RPE65: variants seen among roughly 807,000 people sequenced by gnomAD.
RPE65 encodes the protein retinoid isomerohydrolase RPE65.
In RPE65, 58 loss-of-function variants were observed where a neutral mutation model predicts 68.5. That is an observed-to-expected ratio of 0.85 (90% CI 0.69 to 1.05). The LOEUF is 1.05. Among genes scored for constraint, RPE65 ranks in the 50% least tolerant of loss-of-function variants. The pLI, the probability that RPE65 is intolerant of heterozygous loss-of-function variation, is 0.00. For missense variants in RPE65, 643 were observed against 629.9 expected (o/e 1.02, Z -0.22); for synonymous variants, 220 against 222.2 (o/e 0.99, Z 0.09).
chr1:68,432,363 G>A (rs2100809182), intron 10 of RPE65, among the ~76,000 whole-genome samples: 1 of 152,148 alleles, frequency 6.6e-6, no homozygotes, highest in African/African-American at 2.4e-5. Context: ...ATAGAATAGA[G>A]GAAAAAAGAT....
In RPE65 at chr1:68,431,288, T is replaced by C; in HGVS notation, c.1332A>G (p.Pro444=). 6.2e-7 allele frequency: 1 copy of C among 1,613,838 alleles called. No homozygotes were observed. The highest frequency in any genetic ancestry group is 8.5e-7 in the Non-Finnish European group (1 of 1,179,810). The change falls in exon 12 of 14, where the codon CCA becomes CCG. Residue 444 remains proline (P), a synonymous_variant. Coordinates refer to ENST00000262340, the MANE Select transcript of RPE65 (RefSeq NM_000329.3). ...AYGLGLNHFV[P]DRLCKLNVKT... is the part of the protein sequence containing the mutation. ...AGTAAGAAGGATTAATTACCCTATC[T>C]GGAACAAAGTGATTCAAGCCAAGTC...
Position 68,438,200 on chromosome 1 carries a change from A to G in RPE65, c.1115T>C (p.Leu372Ser), listed in dbSNP as rs747033834. ...GAAGCAGGTTACCTTGTCAATATTC[A>G]AAGGAAGTACATATCTCCTAACTTC... ...QPEVRRYVLP[L>S]NIDKADTGKN... Residue 372 changes from leucine (L) to serine (S), a missense_variant, in exon 10 of 14, where the codon TTG becomes TCG. Transcript: ENST00000262340. 6.2e-7 allele frequency: 1 copy of G among 1,613,854 alleles called. No homozygotes were observed. Among genetic ancestry groups the G allele is most frequent in the African/African-American group, 1.3e-5 (1 of 74,930 alleles).
At chr1:68,447,677 G>A (rs1228847984) in intron 2 of RPE65, among the ~76,000 whole-genome samples, 2 of 152,062 alleles carry the variant, frequency 1.3e-5, no homozygotes, top group African/African-American at 2.4e-5. Context: ...GCGAAACCCC[G>A]TCTCTACTAA....
rs747393487 is a variant in RPE65, at chr1:68,449,895, TG to T, written c.10del (p.Gln4ArgfsTer27). ...AAAAAAGTCTCCCAGAGATACTTACTGGATAGACATTTTCTTCCAGTTCAGG... is the reference window on the plus strand; with the variant it reads ...AAAAAAGTCTCCCAGAGATACTTACTGATAGACATTTTCTTCCAGTTCAGG... MSI[Q>X]VEHPAGGYKK... On this transcript the variant is annotated frameshift_variant and splice_region_variant, in exon 1 of 14. Coordinates refer to ENST00000262340, the MANE Select transcript of RPE65 (RefSeq NM_000329.3). LOFTEE classifies it high-confidence loss of function. The T allele has an allele frequency of 7.4e-6, 12 of 1,614,162 alleles. No homozygotes were observed. The African/African-American group carries it at 1.1e-4, about 14-fold the overall frequency.
chr1:68,438,007 A>G (rs1437907994), intron 10 of RPE65, among the ~76,000 whole-genome samples, 180 bp downstream of exon 10: 2 of 152,218 alleles, frequency 1.3e-5, no homozygotes, highest in Non-Finnish European at 2.9e-5. Context: ...GCTAAGTCAC[A>G]GTACTCTTCT....
intron 3 of RPE65, 118 bp from the exon 4 acceptor site, chr1:68,445,001 A>T: frequency 2.3e-6 from 2 of 859,476 alleles, no homozygotes; most frequent in Non-Finnish European, 3.9e-6. Flanking sequence ...AATGCACAAC[A>T]TGAAGAATAA....
chr1:68,437,758 T>C (rs553196782), intron 10 of RPE65, among the ~76,000 whole-genome samples: 1 of 152,280 alleles, frequency 6.6e-6, no homozygotes, highest in Admixed American at 6.5e-5. Context: ...TTTCAGAAGA[T>C]TTATAGAAAA....
intron 5 of RPE65, among the ~76,000 whole-genome samples, chr1:68,441,869 A>G (rs190063582): frequency 3.9e-5 from 6 of 152,302 alleles, no homozygotes; most frequent in Admixed American, 3.3e-4. Flanking sequence ...TAGGCAAGAT[A>G]TTCATTTATT....
chr1:68,438,765 A>G (rs974380024), intron 9 of RPE65, among the ~76,000 whole-genome samples, 177 bp downstream of exon 9: 3 of 152,184 alleles, frequency 2.0e-5, no homozygotes, highest in East Asian at 1.9e-4. Flanking sequence ...ATCATTAATC[A>G]TAGTTTTGAT....
chr1:68,437,256 C>A (rs75711879), intron 10 of RPE65, among the ~76,000 whole-genome samples: 1 of 152,246 alleles, frequency 6.6e-6, no homozygotes, highest in South Asian at 2.1e-4. Flanking sequence ...CTCCCCTACA[C>A]CCCTAAATAA....
intron 6 of RPE65, 90 bp downstream of exon 6, chr1:68,440,763 T>A (rs1442440608): frequency 3.2e-5 from 48 of 1,519,656 alleles, no homozygotes; most frequent in Non-Finnish European, 4.3e-5. Context: ...CACAAAATGC[T>A]ATTCTGACAT....
chr1:68,442,166 A>G lies in RPE65; in HGVS notation c.496-1166T>C, dbSNP rs368324436. On this transcript the variant is annotated intron_variant, in intron 5 of 13. Transcript: ENST00000262340. ...GCATTAGACCAATAAGCCGGTGTAA[A>G]GCACTGTGAGTGTGCAATGGCATCG... Among the ~76,000 whole-genome samples, 5 of 152,214 alleles carry G rather than the reference A, an allele frequency of 3.3e-5. No individual in the cohort carries two copies. In the East Asian group the frequency reaches 7.7e-4, roughly 23 times the overall value.
At chr1:68,446,923 G>T in intron 2 of RPE65, 63 bp from the exon 3 acceptor site, 2 of 1,606,556 alleles carry the variant, frequency 1.2e-6, no homozygotes. Context: ...CTTGTCCTTG[G>T]TAAGGCAGAG....
chr1:68,440,932 G>A lies in RPE65; in HGVS notation c.564C>T (p.Thr188=), dbSNP rs764476046. The change falls in exon 6 of 14, where the codon ACC becomes ACT. Residue 188 remains threonine, a synonymous_variant. Transcript: ENST00000262340. ...CAAAGCAATTACCAATATTGTAAAC[G>A]GTTCCATCATTTTCAATGTGGGGGT... ...TAHPHIENDG[T]VYNIGNCFGK... 1.9e-5 allele frequency: 30 copies of A among 1,613,816 alleles called. No homozygotes were observed. Among genetic ancestry groups the A allele is most frequent in the Admixed American group, 1.2e-4 (7 of 59,980 alleles).
chr1:68,446,605 G>A (rs577580683), intron 3 of RPE65, 105 bp downstream of exon 3: 11 of 1,298,906 alleles, frequency 8.5e-6, no homozygotes, highest in South Asian at 1.2e-5. Context: ...AAGAAAGTGG[G>A]TATATAGGTT....
intron 6 of RPE65, among the ~76,000 whole-genome samples, chr1:68,439,954 C>T (rs942729529): frequency 1.3e-5 from 2 of 152,100 alleles, no homozygotes; most frequent in African/African-American, 2.4e-5. Flanking sequence ...GAAGAAACCT[C>T]AGAATGGTCA....
intron 2 of RPE65, 138 bp from the exon 3 acceptor site, chr1:68,446,998 C>T (rs1381127806): frequency 1.8e-6 from 2 of 1,141,380 alleles, no homozygotes; most frequent in African/African-American, 3.0e-5. Flanking sequence ...CATTTCCAGC[C>T]CTCGCGCTGG....
chr1:68,447,890 A>G (rs976365800), intron 2 of RPE65, among the ~76,000 whole-genome samples: 1 of 152,068 alleles, frequency 6.6e-6, no homozygotes, highest in Non-Finnish European at 1.5e-5. Context: ...ACAAACAAAA[A>G]AAACCCCAGG....
At position 68,431,574 on chromosome 1, in the gene RPE65, G is replaced by A. The variant is rs1223124624; in HGVS notation, c.1140C>T (p.Gly380=). 6.2e-7 allele frequency: 1 copy of A among 1,613,324 alleles called. No individual in the cohort carries two copies. The highest frequency in any genetic ancestry group is 8.5e-7 in the Non-Finnish European group (1 of 1,179,556). ...LPLNIDKADT[G]KNLVTLPNTT... Reference sequence around the variant, plus strand: ...TATTGGGGAGCGTGACTAAATTCTTGCCTGTGTCAGCCTAGGAGAGAAGAT... The same window carrying A: ...TATTGGGGAGCGTGACTAAATTCTTACCTGTGTCAGCCTAGGAGAGAAGAT... Residue 380 remains glycine, a synonymous_variant, in exon 11 of 14, where the codon GGC becomes GGT. Coordinates refer to ENST00000262340, the MANE Select transcript of RPE65 (RefSeq NM_000329.3).
Sources: gnomAD v4.1 joint callset for allele counts (sites outside exome capture counted in the v4.1 genomes callset) on GRCh38, gnomAD v4.1.1 for gene constraint, MANE v1.5 for transcripts, NCBI Gene and HGNC (gene_info 2026-07-23, HGNC 2026-07-21) for gene names.